Variants in RAB2B observed in about 807,000 individuals in gnomAD.
RAB2B encodes RAB2B, member RAS oncogene family.
In RAB2B, 20 loss-of-function variants were observed where a neutral mutation model predicts 29.8. That is an observed-to-expected ratio of 0.67 (90% CI 0.47 to 0.97). RAB2B has a LOEUF of 0.97. Ranked by LOEUF, RAB2B falls within the 50% of genes least tolerant of loss-of-function variation. The pLI is 0.00. For missense variants in RAB2B, 218 were observed against 272.0 expected (o/e 0.80, Z 1.40); for synonymous variants, 93 against 91.7 (o/e 1.01, Z -0.08).
In RAB2B at chr14:21,461,283, C is replaced by T. The variant is rs1890549728; in HGVS notation, c.564G>A (p.Gly188=). Residue 188 remains glycine (G), a synonymous_variant, in exon 8 of 8, where the codon GGG becomes GGA. Transcript: ENST00000397762. Reference sequence around the variant, plus strand: ...CTGATGTTGAAATTGACTGTTGGGGCCCAATCTTGATGCCATTTGCCTGTA... The same window carrying T: ...CTGATGTTGAAATTGACTGTTGGGGTCCAATCTTGATGCCATTTGCCTGTA... ...VHNEANGIKI[G]PQQSISTSVG... 6.2e-7 allele frequency: 1 copy of T among 1,613,260 alleles called. No individual in the cohort carries two copies. Among genetic ancestry groups the T allele is most frequent in the Admixed American group, 1.7e-5 (1 of 59,946 alleles).
Position 21,461,215 on chromosome 14 carries a change from G to A in RAB2B, c.632C>T (p.Ser211Phe). 1 of 1,613,196 alleles carries A rather than the reference G, an allele frequency of 6.2e-7. No individual in the cohort carries two copies. Among genetic ancestry groups the A allele is most frequent in the Non-Finnish European group, 8.5e-7 (1 of 1,179,464 alleles). Residue 211 changes from serine to phenylalanine, a missense_variant, in exon 8 of 8, where the codon TCC (serine) becomes TTC (phenylalanine). Physicochemically the swap from Ser to Phe is radical, Grantham distance 155. Transcript: ENST00000397762. ...ASQRNSRDIGSNSGCC is the reference protein window; with the variant it reads ...ASQRNSRDIGFNSGCC Reference sequence around the variant, plus strand: ...AGATGTTCAGCAGCAGCCAGAGTTGGACCCTATGTCACGAGAGTTCCGCTG... The same window carrying A: ...AGATGTTCAGCAGCAGCCAGAGTTGAACCCTATGTCACGAGAGTTCCGCTG...
At chr14:21,468,140 T>C (rs1253814395) in intron 5 of RAB2B, among the ~76,000 whole-genome samples, 2 of 152,158 alleles carry the variant, frequency 1.3e-5, no homozygotes, top group Admixed American at 6.6e-5. Flanking sequence ...ATGTTGGTGA[T>C]GGCTGTGGAA....
rs1476919089 is a variant in RAB2B at position 21,460,115 on chromosome 14, A to G, written c.*1081T>C. ...CAAGTAGAGGAAACTGCCTTCTACA[A>G]GAATTCTTAGGAAGTGGCAAGCAGA... is the stretch of plus-strand genomic sequence containing the variant. On this transcript the variant is annotated 3_prime_UTR_variant, in exon 8 of 8. Transcript: ENST00000397762. The G allele has an allele frequency of 1.9e-6, 1 of 517,758 alleles. No individual in the cohort carries two copies. Among genetic ancestry groups the G allele is most frequent in the African/African-American group, 1.9e-5 (1 of 51,922 alleles). 32.1% of individuals were successfully genotyped at this position (517,758 alleles called of 1,614,324 possible).
chr14:21,464,562 G>C (rs1594408749), intron 5 of RAB2B, among the ~76,000 whole-genome samples: 1 of 152,130 alleles, frequency 6.6e-6, no homozygotes, highest in South Asian at 2.1e-4. Context: ...AGTCTCACTG[G>C]TTTCGTTACT....
chr14:21,462,836 TAAAAAA>T (rs1182397229), intron 6 of RAB2B, among the ~76,000 whole-genome samples: 2 of 87,090 alleles, frequency 2.3e-5, no homozygotes, highest in African/African-American at 4.2e-5. Context: ...AGACTCAGTC[TAAAAAA>T]AAAAAAAAAA....
Position 21,474,985 on chromosome 14 carries a change from C to T in RAB2B, c.119-51G>A, listed in dbSNP as rs564256272. ...ATGTGATTCTCACGAACAGCAGCCA[C>T]GTGGAGTGGGAGGTTCCTGCCTTTC... On this transcript the variant is annotated intron_variant, in intron 2 of 7. Transcript: ENST00000397762. 7 of 1,488,276 alleles carry T rather than the reference C, an allele frequency of 4.7e-6. No individual in the cohort carries two copies. The Admixed American group carries it at 1.0e-4, about 21-fold the overall frequency. 92.2% of individuals were successfully genotyped at this position (1,488,276 alleles called of 1,614,324 possible). A position where few individuals can be genotyped will look rare whatever the true frequency, so the allele number is the denominator to read the frequency against.
At chr14:21,464,713 A>G (rs1382078237) in intron 5 of RAB2B, among the ~76,000 whole-genome samples, 1 of 152,170 alleles carries the variant, frequency 6.6e-6, no homozygotes, top group Non-Finnish European at 1.5e-5. Context: ...ACAGGATAAA[A>G]GGCTGCAGAG....
intron 3 of RAB2B, among the ~76,000 whole-genome samples, chr14:21,473,735 G>C (rs559004085): frequency 1.3e-5 from 2 of 152,146 alleles, no homozygotes; most frequent in Non-Finnish European, 2.9e-5. Context: ...AAAAACGTCC[G>C]GGAGTGGTGG....
At chr14:21,468,601 T>G in intron 4 of RAB2B, 69 bp downstream of exon 4, 1 of 1,109,920 alleles carries the variant, frequency 9.0e-7, no homozygotes, top group Non-Finnish European at 1.2e-6. Flanking sequence ...AATCAGTAGA[T>G]AGAAAAAAAA....
chr14:21,464,970 G>A (rs1225301326), intron 5 of RAB2B, among the ~76,000 whole-genome samples: 1 of 151,844 alleles, frequency 6.6e-6, no homozygotes, highest in African/African-American at 2.4e-5. Flanking sequence ...CTGTACTCCA[G>A]CCTGGGCAAC....
chr14:21,461,654 G>A (rs1890559122), intron 7 of RAB2B, among the ~76,000 whole-genome samples: 1 of 152,054 alleles, frequency 6.6e-6, no homozygotes, highest in Non-Finnish European at 1.5e-5. Flanking sequence ...TATGATCAGT[G>A]TGCACTATAG....
chr14:21,471,483 T>C (rs1332658089), intron 3 of RAB2B, among the ~76,000 whole-genome samples: 3 of 151,852 alleles, frequency 2.0e-5, no homozygotes, highest in African/African-American at 7.3e-5. Flanking sequence ...CCAGGTGTGA[T>C]GGCACACATC....
intron 5 of RAB2B, 45 bp from the exon 6 acceptor site, chr14:21,463,812 GT>G (rs748736753): frequency 7.1e-6 from 9 of 1,261,528 alleles, no homozygotes; most frequent in Non-Finnish European, 1.0e-5. Flanking sequence ...AAAGATCCAA[GT>G]GAAAGAGGAA....
chr14:21,460,294 A>T lies in RAB2B; in HGVS notation c.*902T>A, dbSNP rs767181083. 5.8e-6 allele frequency: 3 copies of T among 518,120 alleles called. No homozygotes were observed. Among genetic ancestry groups the T allele is most frequent in the East Asian group, 5.5e-5 (1 of 18,334 alleles). 32.1% of individuals were successfully genotyped at this position (518,120 alleles called of 1,614,324 possible). A position where few individuals can be genotyped will look rare whatever the true frequency, so the allele number is the denominator to read the frequency against. The stretch of plus-strand genomic sequence containing the variant: ...GAAGTGGATTGTATATGCTTACGAA[A>T]TTATTTATTTAGGCCAGGCACGGTG... On this transcript the variant is annotated 3_prime_UTR_variant, in exon 8 of 8. Transcript: ENST00000397762.
In RAB2B at chr14:21,460,622, T is replaced by G. The variant is rs1890528451; in HGVS notation, c.*574A>C. 1 of 156,008 alleles carries G rather than the reference T, an allele frequency of 6.4e-6. No individual in the cohort carries two copies. The highest frequency in any genetic ancestry group is 6.3e-5 in the Admixed American group (1 of 15,904). The allele number at this position is 156,008 out of a possible 1,614,324, so 9.7% of individuals were successfully genotyped here. The stretch of plus-strand genomic sequence containing the variant: ...AAAAAAAAAGAAAAAAAAAATTATT[T>G]ATTTATTTGAGACAGAGTTTTGCTC... On this transcript the variant is annotated 3_prime_UTR_variant, in exon 8 of 8. Transcript: ENST00000397762.
intron 7 of RAB2B, 79 bp downstream of exon 7, chr14:21,462,271 A>G: frequency 8.8e-7 from 1 of 1,135,436 alleles, no homozygotes; most frequent in Non-Finnish European, 1.3e-6. Context: ...TGGGGAATGT[A>G]AGCATTCCAT....
Position 21,463,669 on chromosome 14 carries a change from C to A in RAB2B, c.461G>T (p.Cys154Phe). The change falls in exon 6 of 8, where the codon TGC becomes TTC. Residue 154 changes from cysteine (C) to phenylalanine (F), a missense_variant. Coordinates refer to ENST00000397762, the MANE Select transcript of RAB2B (RefSeq NM_032846.4). The stretch of plus-strand genomic sequence containing the variant: ...TCCAAATAGTACCTCTTCAACATTG[C>A]AGGCTGTTTTGGCTGAAGTTTCCAT... ...IFMETSAKTA[C>F]NVEEAFINTA... The A allele has an allele frequency of 6.2e-7, 1 of 1,611,412 alleles. No individual in the cohort carries two copies. The highest frequency in any genetic ancestry group is 8.5e-7 in the Non-Finnish European group (1 of 1,177,550).
In RAB2B at chr14:21,460,219, G is replaced by C. The variant is rs765558637; in HGVS notation, c.*977C>G. On this transcript the variant is annotated 3_prime_UTR_variant, in exon 8 of 8. Transcript: ENST00000397762. ...ATCAACCAAAGGCCAACTAGATCTA[G>C]GTAATTGCAAGTGTTCAAATAGAAT... The C allele has an allele frequency of 3.9e-6, 2 of 518,962 alleles. No individual in the cohort carries two copies. Among genetic ancestry groups the C allele is most frequent in the Non-Finnish European group, 7.7e-6 (2 of 259,852 alleles). 32.1% of individuals were successfully genotyped at this position (518,962 alleles called of 1,614,324 possible). A position where few individuals can be genotyped will look rare whatever the true frequency, so the allele number is the denominator to read the frequency against.
intron 5 of RAB2B, among the ~76,000 whole-genome samples, chr14:21,466,048 C>T (rs59578678): frequency 0.023 from 3,572 of 152,308 alleles, 47 homozygotes; most frequent in African/African-American, 0.028. Flanking sequence ...TCACAATTTA[C>T]AATTTGATAC....
Sources: allele counts gnomAD v4.1 joint callset (sites outside exome capture counted in the v4.1 genomes callset), GRCh38; gene constraint gnomAD v4.1.1; transcripts MANE v1.5; gene names NCBI Gene and HGNC (gene_info 2026-07-23, HGNC 2026-07-21).